Variants in BACH2 observed in about 807,000 individuals in gnomAD.
BACH2 encodes the protein transcription regulator protein BACH2.
A neutral mutation model predicts 61.8 loss-of-function variants in BACH2; 5 were observed. The ratio of observed to expected loss-of-function variants is 0.08; its 90% CI spans 0.04 to 0.17. The LOEUF is 0.17. Ranked by LOEUF, BACH2 falls within the 10% of genes least tolerant of loss-of-function variation. BACH2 has a pLI of 1.00. For missense variants in BACH2, 824 were observed against 1,091.1 expected (o/e 0.76, Z 3.45); for synonymous variants, 446 against 440.1 (o/e 1.01, Z -0.17).
chr6:90,270,081 G>C (rs1269962943), intron 2 of BACH2, among the ~76,000 whole-genome samples: 1 of 152,134 alleles, frequency 6.6e-6, no homozygotes, highest in Non-Finnish European at 1.5e-5. Context: ...TTATGGCTGA[G>C]TAGTATTTCA....
At chr6:90,038,956 C>G (rs1044972900) in intron 5 of BACH2, among the ~76,000 whole-genome samples, 7 of 151,752 alleles carry the variant, frequency 4.6e-5, no homozygotes, top group Admixed American at 1.3e-4. Context: ...AAGAGAATCA[C>G]TTGAACCCAG....
intron 5 of BACH2, among the ~76,000 whole-genome samples, chr6:90,012,727 G>T (rs1777794036): frequency 6.6e-6 from 1 of 151,740 alleles, no homozygotes; most frequent in Non-Finnish European, 1.5e-5. Context: ...GTGCAGTGGT[G>T]CGATCTTGGC....
intron 6 of BACH2, among the ~76,000 whole-genome samples, chr6:89,996,240 C>T (rs1776841411): frequency 6.6e-6 from 1 of 152,130 alleles, no homozygotes; most frequent in Non-Finnish European, 1.5e-5. Flanking sequence ...CTGAAAGGCC[C>T]CCTCATTCTC....
intron 5 of BACH2, among the ~76,000 whole-genome samples, chr6:90,071,257 G>T (rs1781213830): frequency 6.6e-6 from 1 of 152,192 alleles, no homozygotes. Flanking sequence ...GACCTCTTTT[G>T]TCACAGTTAG....
At chr6:90,063,071 G>T (rs1345671014) in intron 5 of BACH2, 9 of 226,516 alleles carry the variant, frequency 4.0e-5, no homozygotes, top group South Asian at 1.6e-4. Flanking sequence ...GTCAAAATGT[G>T]CACATACCAA....
At position 89,932,765 on chromosome 6, in the gene BACH2, G is replaced by A. The variant is rs1423714548; in HGVS notation, c.2169C>T (p.Ile723=). The change falls in exon 9 of 9, where the codon ATC becomes ATT. Residue 723 remains isoleucine (I), a synonymous_variant. Coordinates refer to ENST00000257749, the MANE Select transcript of BACH2 (RefSeq NM_021813.4). ...CAGGGCAATACCGATGCAGGGCCTG[G>A]ATCTGCTCGGGGCTCTGGATGTCTC... ...VCRDIQSPEQ[I]QALHRYCPVL... The A allele has an allele frequency of 6.2e-7, 1 of 1,614,100 alleles. No individual in the cohort carries two copies. The highest frequency in any genetic ancestry group is 1.7e-5 in the Admixed American group (1 of 60,018).
chr6:90,193,059 C>T (rs1468271372), intron 4 of BACH2, among the ~76,000 whole-genome samples: 1 of 152,202 alleles, frequency 6.6e-6, no homozygotes, highest in East Asian at 1.9e-4. Context: ...GGCCACTTCA[C>T]CTCCAGGTGC....
intron 2 of BACH2, among the ~76,000 whole-genome samples, chr6:90,262,496 T>C (rs1366878565): frequency 6.6e-6 from 1 of 152,200 alleles, no homozygotes; most frequent in African/African-American, 2.4e-5. Context: ...TCCTGCCCTG[T>C]TCCTTTTTGA....
intron 4 of BACH2, among the ~76,000 whole-genome samples, chr6:90,190,813 C>T (rs985422345): frequency 2.6e-5 from 4 of 152,198 alleles, no homozygotes; most frequent in Admixed American, 1.3e-4. Context: ...TAGGCTAAGA[C>T]CCCAGACCAA....
At chr6:90,089,616 T>G (rs1397530003) in intron 4 of BACH2, among the ~76,000 whole-genome samples, 1 of 152,066 alleles carries the variant, frequency 6.6e-6, no homozygotes, top group African/African-American at 2.4e-5. Flanking sequence ...TCAGATAACT[T>G]AATACATGCT....
At chr6:89,953,842 A>AAGGC (rs1214221850) in intron 6 of BACH2, among the ~76,000 whole-genome samples, 3 of 152,226 alleles carry the variant, frequency 2.0e-5, no homozygotes, top group South Asian at 2.1e-4. Context: ...CAACTGATCA[A>AAGGC]AGGCAGGCAG....
chr6:90,261,596 C>G (rs989267218), intron 2 of BACH2, among the ~76,000 whole-genome samples: 5 of 152,140 alleles, frequency 3.3e-5, no homozygotes, highest in Non-Finnish European at 7.4e-5. Context: ...TCTGCAGATT[C>G]CTGCTTTGGG....
chr6:90,128,754 C>T (rs1238233827), intron 4 of BACH2, among the ~76,000 whole-genome samples: 7 of 152,208 alleles, frequency 4.6e-5, no homozygotes, highest in Non-Finnish European at 1.0e-4. Flanking sequence ...TATAAAGACA[C>T]ATGCACACAT....
chr6:90,095,010 A>T (rs1337189099), intron 4 of BACH2, among the ~76,000 whole-genome samples: 1 of 152,210 alleles, frequency 6.6e-6, no homozygotes, highest in African/African-American at 2.4e-5. Context: ...AAAAAGGTCA[A>T]ATCTCAAACG....
intron 4 of BACH2, among the ~76,000 whole-genome samples, chr6:90,128,411 T>C (rs1485091431): frequency 1.3e-5 from 2 of 152,128 alleles, no homozygotes; most frequent in Non-Finnish European, 2.9e-5. Flanking sequence ...TGAAACCCTG[T>C]TTCTACTAAA....
intron 3 of BACH2, among the ~76,000 whole-genome samples, chr6:90,209,829 G>C (rs1769281703): frequency 6.6e-6 from 1 of 152,088 alleles, no homozygotes; most frequent in African/African-American, 2.4e-5. Context: ...AACCGAAACA[G>C]GCTAAAAACC....
Position 90,014,468 on chromosome 6 carries a change from A to ATT in BACH2, c.-12-5614_-12-5613dup, listed in dbSNP as rs1164045089. Among the ~76,000 whole-genome samples the ATT allele has an allele frequency of 3.1e-3, 100 of 32,292 alleles. 10 individuals carry two copies. Among genetic ancestry groups the ATT allele is most frequent in the East Asian group, 0.013 (13 of 1,040 alleles). 21.2% of individuals were successfully genotyped at this position (32,292 alleles called of 152,430 possible). A position where few individuals can be genotyped will look rare whatever the true frequency, so the allele number is the denominator to read the frequency against. ...TATATATATATATATATATATATATATTTTTTTTTTTTTTTTTTTTTTTTT... is the reference window on the plus strand; with the variant it reads ...TATATATATATATATATATATATATATTTTTTTTTTTTTTTTTTTTTTTTTTT... On this transcript the variant is annotated intron_variant, in intron 5 of 8. Coordinates refer to ENST00000257749, the MANE Select transcript of BACH2 (RefSeq NM_021813.4).
At chr6:90,239,902 C>T (rs1770387931) in intron 3 of BACH2, among the ~76,000 whole-genome samples, 1 of 150,492 alleles carries the variant, frequency 6.6e-6, no homozygotes. Flanking sequence ...AAACCACATA[C>T]AAGAATTAGC....
chr6:90,291,317 C>T (rs12525752), intron 1 of BACH2, among the ~76,000 whole-genome samples: 10,819 of 151,932 alleles, frequency 0.071, 525 homozygotes, highest in East Asian at 0.13. Flanking sequence ...GGCAAAATTC[C>T]TGCCTGAATT....
Sources: gnomAD v4.1 joint callset for allele counts (sites outside exome capture counted in the v4.1 genomes callset) on GRCh38, gnomAD v4.1.1 for gene constraint, MANE v1.5 for transcripts, NCBI Gene and HGNC (gene_info 2026-07-23, HGNC 2026-07-21) for gene names.